Variants in ANKRD30BL observed in about 807,000 individuals in gnomAD.
The protein encoded by ANKRD30BL is putative ankyrin repeat domain-containing protein 30B-like.
Under a neutral mutation model 18.4 loss-of-function variants are expected in ANKRD30BL, and 20 were observed. That is an observed-to-expected ratio of 1.09 (90% CI 0.77 to 1.58). The LOEUF (loss-of-function observed/expected upper bound fraction) is 1.58, where lower values mean the gene tolerates loss of function less well. Among genes scored for constraint, ANKRD30BL ranks in the 40% most tolerant of loss-of-function variants. ANKRD30BL has a pLI of 0.00. For synonymous variants in ANKRD30BL, 72 were observed against 100.9 expected (o/e 0.71, Z 1.72); for missense variants, 224 against 268.6 (o/e 0.83, Z 1.16).
At chr2:132,208,305 TC>T (rs1383353584) in intron 1 of ANKRD30BL, among the ~76,000 whole-genome samples, 1 of 152,158 alleles carries the variant, frequency 6.6e-6, no homozygotes, top group East Asian at 1.9e-4. Flanking sequence ...AGTTTTCCTT[TC>T]CCTATCCCTT....
chr2:132,235,851 A>G (rs1008100615), intron 1 of ANKRD30BL, among the ~76,000 whole-genome samples: 3 of 152,144 alleles, frequency 2.0e-5, no homozygotes, highest in Admixed American at 6.6e-5. Context: ...TAAAGTTCAT[A>G]TGGAACCAAA....
chr2:132,236,141 G>C (rs1558731747), intron 1 of ANKRD30BL, among the ~76,000 whole-genome samples: 1 of 152,066 alleles, frequency 6.6e-6, no homozygotes. Flanking sequence ...GCCATATGTA[G>C]AAAGCTGAAA....
intron 1 of ANKRD30BL, among the ~76,000 whole-genome samples, chr2:132,224,477 C>G (rs528341701): frequency 8.4e-4 from 127 of 151,808 alleles, no homozygotes; most frequent in African/African-American, 2.8e-3. Context: ...AATATCTTCA[C>G]ATAAGTACTG....
chr2:132,207,650 G>A (rs1679235997), intron 1 of ANKRD30BL, among the ~76,000 whole-genome samples: 2 of 152,118 alleles, frequency 1.3e-5, no homozygotes, highest in East Asian at 1.9e-4. Flanking sequence ...ACTTTCAGAA[G>A]GAAGGGCCTT....
chr2:132,218,838 T>G (rs1479073640), intron 1 of ANKRD30BL, among the ~76,000 whole-genome samples: 1 of 152,182 alleles, frequency 6.6e-6, no homozygotes, highest in Non-Finnish European at 1.5e-5. Flanking sequence ...TCTCAAAAAC[T>G]TCTTTGTGAT....
chr2:132,203,906 T>A (rs1405675746), intron 1 of ANKRD30BL, among the ~76,000 whole-genome samples: 1 of 152,166 alleles, frequency 6.6e-6, no homozygotes, highest in Admixed American at 6.5e-5. Flanking sequence ...AGATGGCTTG[T>A]AATCTTGTAC....
chr2:132,226,759 G>C (rs1161976305), intron 1 of ANKRD30BL, among the ~76,000 whole-genome samples: 1 of 152,220 alleles, frequency 6.6e-6, no homozygotes, highest in South Asian at 2.1e-4. Flanking sequence ...TCATCTCACA[G>C]AGTTGAACCT....
intron 1 of ANKRD30BL, among the ~76,000 whole-genome samples, chr2:132,183,010 G>A (rs982550433): frequency 1.3e-5 from 2 of 151,976 alleles, no homozygotes; most frequent in East Asian, 1.9e-4. Context: ...AAAAAATAAC[G>A]ATGTTGGATA....
At chr2:132,169,771 T>C (rs1197848656) in intron 1 of ANKRD30BL, among the ~76,000 whole-genome samples, 9 of 152,106 alleles carry the variant, frequency 5.9e-5, no homozygotes, top group Non-Finnish European at 1.2e-4. Flanking sequence ...TGGTCAAGTC[T>C]TTATGAGATA....
intron 4 of ANKRD30BL, among the ~76,000 whole-genome samples, chr2:132,153,906 A>G (rs10928265): frequency 6.6e-6 from 1 of 152,012 alleles, no homozygotes; most frequent in East Asian, 1.9e-4. Context: ...TGGCTAACAT[A>G]AAGTCCACTG....
intron 1 of ANKRD30BL, among the ~76,000 whole-genome samples, chr2:132,206,544 C>G (rs1287387395): frequency 2.0e-5 from 3 of 152,210 alleles, no homozygotes; most frequent in African/African-American, 2.4e-5. Flanking sequence ...TAATAGTAAA[C>G]TACTTCATGG....
At chr2:132,220,312 C>T (rs986080984) in intron 1 of ANKRD30BL, among the ~76,000 whole-genome samples, 2 of 119,170 alleles carry the variant, frequency 1.7e-5, no homozygotes, top group Non-Finnish European at 3.4e-5. Flanking sequence ...GTCCCTCTCC[C>T]TCTCCCTCTC....
At chr2:132,241,767 G>C (rs1284984811) in intron 1 of ANKRD30BL, among the ~76,000 whole-genome samples, 1 of 150,746 alleles carries the variant, frequency 6.6e-6, no homozygotes, top group Admixed American at 6.7e-5. Flanking sequence ...TTTTTCTTTT[G>C]ATACGCAAGT....
At chr2:132,234,745 T>A (rs1163608292) in intron 1 of ANKRD30BL, among the ~76,000 whole-genome samples, 2 of 152,176 alleles carry the variant, frequency 1.3e-5, no homozygotes, top group African/African-American at 4.8e-5. Context: ...ACAGCCGAAT[T>A]CTACCAGAGG....
At chr2:132,239,436 G>A (rs1273707204) in intron 1 of ANKRD30BL, among the ~76,000 whole-genome samples, 9 of 151,602 alleles carry the variant, frequency 5.9e-5, no homozygotes, top group Admixed American at 1.3e-4. Flanking sequence ...ATCTTGAATC[G>A]CTTTGAGGTC....
intron 1 of ANKRD30BL, among the ~76,000 whole-genome samples, chr2:132,231,315 G>T (rs1680004286): frequency 6.6e-6 from 1 of 152,134 alleles, no homozygotes; most frequent in Non-Finnish European, 1.5e-5. Context: ...ATTGAAAACG[G>T]GAATGTCGAA....
intron 1 of ANKRD30BL, among the ~76,000 whole-genome samples, chr2:132,223,689 C>G (rs1425346443): frequency 3.5e-5 from 5 of 144,016 alleles, no homozygotes; most frequent in East Asian, 4.3e-4. Flanking sequence ...AACTCACAGA[C>G]TTGAAGCTTT....
chr2:132,183,885 G>C (rs2104949868), intron 1 of ANKRD30BL, among the ~76,000 whole-genome samples: 1 of 152,180 alleles, frequency 6.6e-6, no homozygotes, highest in African/African-American at 2.4e-5. Flanking sequence ...TTGGTGCTAA[G>C]GTGGGGGTGA....
chr2:132,187,674 T>C (rs1234398841), intron 1 of ANKRD30BL, among the ~76,000 whole-genome samples: 2 of 152,134 alleles, frequency 1.3e-5, no homozygotes, highest in Admixed American at 6.5e-5. Flanking sequence ...AGCTCAACTG[T>C]TGAAAACATT....
Sources: gnomAD v4.1 joint callset for allele counts (sites outside exome capture counted in the v4.1 genomes callset) on GRCh38, gnomAD v4.1.1 for gene constraint, MANE v1.5 for transcripts, NCBI Gene and HGNC (gene_info 2026-07-23, HGNC 2026-07-21) for gene names.